Variants in OLFM1 observed in about 807,000 individuals in gnomAD.
OLFM1 encodes the protein noelin.
In OLFM1, 9 loss-of-function variants were observed where a neutral mutation model predicts 49.7. The ratio of observed to expected loss-of-function variants is 0.18; its 90% CI spans 0.11 to 0.32. OLFM1 has a LOEUF of 0.32. Among genes scored for constraint, OLFM1 ranks in the 10% least tolerant of loss-of-function variants. OLFM1 has a pLI of 1.00. For missense variants in OLFM1, 369 were observed against 661.8 expected, an observed-to-expected ratio of 0.56 and a Z score of 4.85; for synonymous variants, 240 against 271.8, an observed-to-expected ratio of 0.88 and a Z score of 1.15.
chr9:135,087,311 C>A (rs971942968), upstream of OLFM1: 9 of 1,522,670 alleles, frequency 5.9e-6, no homozygotes, highest in East Asian at 2.1e-4. Flanking sequence ...GTCTCTCTGC[C>A]GGCAACCTTT....
At chr9:135,115,876 C>T (rs980314760) in intron 5 of OLFM1, among the ~76,000 whole-genome samples, 1 of 152,230 alleles carries the variant, frequency 6.6e-6, no homozygotes, top group Non-Finnish European at 1.5e-5. Context: ...ATGATGCCAG[C>T]GTCCGGCACA....
chr9:135,077,109 G>C, intron 1 of OLFM1: 4 of 1,550,578 alleles, frequency 2.6e-6, no homozygotes, highest in Non-Finnish European at 3.5e-6. Flanking sequence ...GTGGAGGGTG[G>C]TGGTTGTGCA....
chr9:135,086,662 CA>C, upstream of OLFM1: 1 of 456,092 alleles, frequency 2.2e-6, no homozygotes. Context: ...TCTGTAAATG[CA>C]AAAGCCCTAT....
intron 2 of OLFM1, 147 bp from the exon 3 acceptor site, chr9:135,095,717 G>T (rs74990204): frequency 0.037 from 29,255 of 791,646 alleles, 676 homozygotes; most frequent in Non-Finnish European, 0.044. Flanking sequence ...CGCGATGCTG[G>T]CGATTACCTT....
chr9:135,102,771 A>C (rs1476952862), intron 4 of OLFM1, among the ~76,000 whole-genome samples: 1 of 152,184 alleles, frequency 6.6e-6, no homozygotes, highest in Non-Finnish European at 1.5e-5. Flanking sequence ...GCTGTGACCA[A>C]GGGAGATAGG....
Position 135,098,031 on chromosome 9 carries a change from CTT to C in OLFM1, c.457-254_457-253del, listed in dbSNP as rs1173906291. The C allele has an allele frequency of 2.8e-6, 4 of 1,413,714 alleles. No homozygotes were observed. The highest frequency in any genetic ancestry group is 3.2e-5 in the Admixed American group (1 of 31,648). The allele number at this position is 1,413,714 out of a possible 1,614,324, so 87.6% of individuals were successfully genotyped here. ...TTTTGAAAAAGAAAGAAAAAAAAAA[CTT>C]CGTGTATGTGACTCAAAGCATGTAA... On this transcript the variant is annotated intron_variant, in intron 3 of 5. Transcript: ENST00000371793. This position sits in a 1 kb window ranked among gnomAD's most constrained non-coding sequence, Gnocchi z 5.6.
At position 135,087,725 on chromosome 9, in the gene OLFM1, A is replaced by C; in HGVS notation, c.-265A>C. 1 of 389,174 alleles carries C rather than the reference A, an allele frequency of 2.6e-6. No individual in the cohort carries two copies. Among genetic ancestry groups the C allele is most frequent in the Non-Finnish European group, 3.5e-6 (1 of 284,406 alleles). The allele number at this position is 389,174 out of a possible 1,614,324, so 24.1% of individuals were successfully genotyped here. On this transcript the variant is annotated 5_prime_UTR_variant, in exon 1 of 6. Coordinates refer to ENST00000371793, the MANE Select transcript of OLFM1 (RefSeq NM_001282611.2). ...GGAGCCCGGAGGGACGCAGCCGGGCAAGGCAGGGCGCAGGGCGGGCGGCGC... is the reference window on the plus strand; with the variant it reads ...GGAGCCCGGAGGGACGCAGCCGGGCCAGGCAGGGCGCAGGGCGGGCGGCGC...
chr9:135,098,236 T>C lies in OLFM1; in HGVS notation c.457-50T>C, dbSNP rs762187622. ...GGAGAAGCCAGGCCAAGGCAGGGTG[T>C]GAGAGTTCTTGCATGCATCGCACTG... On this transcript the variant is annotated intron_variant, in intron 3 of 5. Coordinates refer to ENST00000371793, the MANE Select transcript of OLFM1 (RefSeq NM_001282611.2). This position sits in a 1 kb window ranked among gnomAD's most constrained non-coding sequence, Gnocchi z 5.6. The C allele has an allele frequency of 1.3e-6, 2 of 1,592,464 alleles. No homozygotes were observed. The highest frequency in any genetic ancestry group is 8.6e-7 in the Non-Finnish European group (1 of 1,163,320).
chr9:135,119,338 C>A (rs541350742), intron 5 of OLFM1, among the ~76,000 whole-genome samples, 166 bp from the exon 6 acceptor site: 1 of 138,222 alleles, frequency 7.2e-6, no homozygotes, highest in African/African-American at 2.8e-5. Flanking sequence ...GAAGTGCTCA[C>A]GGGGTCTTTG....
rs112111391 is a variant in OLFM1, at chr9:135,118,866, G to T, written c.784-638G>T. Reference sequence around the variant, plus strand: ...GGAGTGCTCACCGGGTCTTTGGAGTGCTCACTGTGTCTTTGGAGTGCTTAC... The same window carrying T: ...GGAGTGCTCACCGGGTCTTTGGAGTTCTCACTGTGTCTTTGGAGTGCTTAC... On this transcript the variant is annotated intron_variant, in intron 5 of 5. Coordinates refer to ENST00000371793, the MANE Select transcript of OLFM1 (RefSeq NM_001282611.2). Among the ~76,000 whole-genome samples the T allele has an allele frequency of 7.3e-3, 1,028 of 141,178 alleles. 11 individuals carry two copies. The highest frequency in any genetic ancestry group is 0.024 in the African/African-American group (900 of 37,534). The allele number at this position is 141,178 out of a possible 152,430, so 92.6% of individuals were successfully genotyped here. A position where few individuals can be genotyped will look rare whatever the true frequency, so the allele number is the denominator to read the frequency against.
rs531699194 is a variant in OLFM1, at chr9:135,077,102, G to A, written c.96+1300G>A. On this transcript the variant is annotated intron_variant, in intron 1 of 5. Transcript: ENST00000252854. ...TTCTTGGCCCCAGGAAGGCCTGGTG[G>A]AGGGTGGTGGTTGTGCACTGTTGCT... 4 of 1,550,428 alleles carry A rather than the reference G, an allele frequency of 2.6e-6. No homozygotes were observed. In the African/African-American group the frequency reaches 5.5e-5, roughly 21 times the overall value.
upstream of OLFM1, among the ~76,000 whole-genome samples, chr9:135,085,369 C>T (rs1483572262): frequency 6.6e-6 from 1 of 152,258 alleles, no homozygotes; most frequent in Admixed American, 6.5e-5. Flanking sequence ...ATGGCCATGA[C>T]ATTTATAAGA....
rs1831165516 is a variant in OLFM1, at chr9:135,120,021, C to T, written c.1301C>T (p.Thr434Ile). ...VHYAYQTNAS[T>I]YEYIDIPFQN... ...TATGCATACCAGACCAATGCCTCCA[C>T]CTATGAATACATCGACATCCCATTC... Residue 434 changes from threonine to isoleucine, a missense_variant, in exon 6 of 6, where the codon ACC becomes ATC. By Grantham distance (89) the Thr-to-Ile change is moderately conservative. Transcript: ENST00000371793. 6.2e-6 allele frequency: 10 copies of T among 1,613,872 alleles called. No individual in the cohort carries two copies. The highest frequency in any genetic ancestry group is 8.5e-6 in the Non-Finnish European group (10 of 1,180,054).
intron 5 of OLFM1, among the ~76,000 whole-genome samples, chr9:135,107,602 G>C (rs1399012152): frequency 1.3e-5 from 2 of 152,190 alleles, no homozygotes; most frequent in African/African-American, 4.8e-5. Flanking sequence ...CCCTCTGAAG[G>C]CTCTCGATGG....
rs1261052866 is a variant in OLFM1 at position 135,117,257 on chromosome 9, G to A, written c.784-2247G>A. 1.3e-5 allele frequency among the ~76,000 whole-genome samples: 2 copies of A among 152,186 alleles called. No homozygotes were observed. The highest frequency in any genetic ancestry group is 6.5e-5 in the Admixed American group (1 of 15,278). Reference sequence around the variant, plus strand: ...GTAACCCCAAACTTGGGCCATTACTGGGTTTGCTATCTTGGTTGCTTTCGA... The same window carrying A: ...GTAACCCCAAACTTGGGCCATTACTAGGTTTGCTATCTTGGTTGCTTTCGA... On this transcript the variant is annotated intron_variant, in intron 5 of 5. Transcript: ENST00000371793. The surrounding 1 kb of genome is among the most constrained non-coding windows in gnomAD (Gnocchi z 5.5).
chr9:135,090,584 A>G (rs920936793), intron 2 of OLFM1, among the ~76,000 whole-genome samples: 1 of 152,058 alleles, frequency 6.6e-6, no homozygotes, highest in Admixed American at 6.6e-5. Context: ...GGGTGGACAC[A>G]CAGGTGGATT....
Position 135,082,628 on chromosome 9 carries a change from CAA to C in OLFM1, c.96+6828_96+6829del, listed in dbSNP as rs148020255. ...CCCTGCCCAGCCTCCTTCCCAGCCC[CAA>C]ATATGCACACACAGGTTTCCGTTCC... is the stretch of plus-strand genomic sequence containing the variant. On this transcript the variant is annotated intron_variant, in intron 1 of 5. Coordinates refer to the OLFM1 transcript ENST00000252854. Among the ~76,000 whole-genome samples, 736 of 152,320 alleles carry C rather than the reference CAA, an allele frequency of 4.8e-3. 6 individuals are homozygous for C. Among genetic ancestry groups the C allele is most frequent in the African/African-American group, 0.017 (704 of 41,568 alleles).
chr9:135,079,702 C>G (rs920858505), intron 1 of OLFM1, among the ~76,000 whole-genome samples: 2 of 152,160 alleles, frequency 1.3e-5, no homozygotes, highest in African/African-American at 2.4e-5. Flanking sequence ...AATGCTCAAT[C>G]CACGTGGGTT....
intron 2 of OLFM1, among the ~76,000 whole-genome samples, chr9:135,091,766 CAGTCACACACACACTCACACAT>C (rs1333021965): frequency 1.4e-5 from 2 of 145,342 alleles, no homozygotes; most frequent in Non-Finnish European, 3.0e-5. Flanking sequence ...CACACTCACA[CAGTCACACACACACTCACACAT>C]AGTCACACAG....
Sources: gnomAD v4.1 joint callset for allele counts (sites outside exome capture counted in the v4.1 genomes callset) on GRCh38, gnomAD v4.1.1 for gene constraint, Gnocchi (gnomAD v3.1) non-coding constraint, MANE v1.5 for transcripts, NCBI Gene and HGNC (gene_info 2026-07-23, HGNC 2026-07-21) for gene names.